The following SDHC variants were observed in gnomAD, a reference collection of about 807,000 sequenced individuals.
SDHC encodes the protein succinate dehydrogenase complex subunit C.
A neutral mutation model predicts 22.6 loss-of-function variants in SDHC; 11 were observed. The observed-to-expected ratio is 0.49, with a 90% CI of 0.31 to 0.81. The LOEUF (loss-of-function observed/expected upper bound fraction) is 0.81, where lower values mean the gene tolerates loss of function less well. Ranked by LOEUF, SDHC falls within the 30% of genes least tolerant of loss-of-function variation. SDHC has a pLI of 0.05. For synonymous variants in SDHC, 80 were observed against 77.8 expected (o/e 1.03, Z -0.15); for missense variants, 160 against 212.0 (o/e 0.75, Z 1.52).
In SDHC at chr1:161,352,821, A is replaced by C. The variant is rs12044212; in HGVS notation, c.242-3856A>C. Among the ~76,000 whole-genome samples, 4 of 152,102 alleles carry C rather than the reference A, an allele frequency of 2.6e-5. No homozygotes were observed. In the East Asian group the frequency reaches 5.8e-4, roughly 22 times the overall value. On this transcript the variant is annotated intron_variant, in intron 4 of 5. Coordinates refer to ENST00000367975, the MANE Select transcript of SDHC (RefSeq NM_003001.5). The stretch of plus-strand genomic sequence containing the variant: ...GAAACCTCGTCTCTACTAAAAATAC[A>C]AAAAAATTAGCCGGGCGTGGTGGCA...
chr1:161,321,076 C>T (rs1670820134), intron 1 of SDHC, among the ~76,000 whole-genome samples: 1 of 152,156 alleles, frequency 6.6e-6, no homozygotes, highest in African/African-American at 2.4e-5. Flanking sequence ...CTGCCCGCCT[C>T]GGCCTCCCAA....
chr1:161,328,257 C>T lies in SDHC; in HGVS notation c.78-139C>T, dbSNP rs564679907. The T allele has an allele frequency of 1.4e-5, 10 of 726,266 alleles. No individual in the cohort carries two copies. The African/African-American group carries it at 1.7e-4, about 13-fold the overall frequency. 45.0% of individuals were successfully genotyped at this position (726,266 alleles called of 1,614,324 possible). A position where few individuals can be genotyped will look rare whatever the true frequency, so the allele number is the denominator to read the frequency against. On this transcript the variant is annotated intron_variant, in intron 2 of 5. Coordinates refer to ENST00000367975, the MANE Select transcript of SDHC (RefSeq NM_003001.5). ...CCTCAGGTGATCCGCCCGCCTCGGCCTCCCAAAGAGCTGAGATTACAGGCC... is the reference window on the plus strand; with the variant it reads ...CCTCAGGTGATCCGCCCGCCTCGGCTTCCCAAAGAGCTGAGATTACAGGCC...
chr1:161,339,139 T>C (rs58842513), intron 3 of SDHC, among the ~76,000 whole-genome samples: 17,827 of 152,128 alleles, frequency 0.12, 1,421 homozygotes, highest in African/African-American at 0.22. Flanking sequence ...TGAGCCACCG[T>C]GCCCGGCCTA....
At chr1:161,343,921 AATT>A (rs1235333520) in intron 4 of SDHC, among the ~76,000 whole-genome samples, 1 of 152,088 alleles carries the variant, frequency 6.6e-6, no homozygotes, top group East Asian at 1.9e-4. Flanking sequence ...ACAACTGAAG[AATT>A]ATTTGGGCAG....
At chr1:161,339,399 T>C (rs1468246995) in intron 3 of SDHC, among the ~76,000 whole-genome samples, 1 of 151,218 alleles carries the variant, frequency 6.6e-6, no homozygotes, top group Admixed American at 6.6e-5. Context: ...TTGCCTAGGT[T>C]GACCTTGAAC....
chr1:161,326,205 T>TA (rs113137363), intron 2 of SDHC, among the ~76,000 whole-genome samples: 113 of 137,924 alleles, frequency 8.2e-4, no homozygotes, highest in Admixed American at 9.4e-4. Context: ...CATCTCAAAT[T>TA]AAAAAAAAAA....
At chr1:161,346,068 G>T (rs923829775) in intron 4 of SDHC, among the ~76,000 whole-genome samples, 10 of 152,166 alleles carry the variant, frequency 6.6e-5, no homozygotes, top group Non-Finnish European at 1.3e-4. Context: ...GCCTCCCAAA[G>T]TGTTGGGATT....
At position 161,362,877 on chromosome 1, in the gene SDHC, A is replaced by G. The variant is rs1029091235; in HGVS notation, c.*444A>G. 21 of 443,522 alleles carry G rather than the reference A, an allele frequency of 4.7e-5. No individual in the cohort carries two copies. The highest frequency in any genetic ancestry group is 2.9e-4 in the South Asian group (13 of 45,340). 27.5% of individuals were successfully genotyped at this position (443,522 alleles called of 1,614,324 possible). A position where few individuals can be genotyped will look rare whatever the true frequency, so the allele number is the denominator to read the frequency against. ...CTGTGGGTTGCTGGCTTAAAGGACA[A>G]TTCTCTTCATTGGTGAGAGCCCAGG... On this transcript the variant is annotated 3_prime_UTR_variant, in exon 6 of 6. Coordinates refer to ENST00000367975, the MANE Select transcript of SDHC (RefSeq NM_003001.5).
intron 5 of SDHC, among the ~76,000 whole-genome samples, chr1:161,361,531 C>G (rs75205227): frequency 6.6e-6 from 1 of 152,006 alleles, no homozygotes; most frequent in African/African-American, 2.4e-5. Flanking sequence ...TTTGGAGATT[C>G]ACAGTGTGCA....
chr1:161,342,612 G>A (rs1011906261), intron 4 of SDHC, among the ~76,000 whole-genome samples: 4 of 151,884 alleles, frequency 2.6e-5, no homozygotes, highest in African/African-American at 7.3e-5. Context: ...AGCCTCCTGG[G>A]TTCAAGCTAT....
chr1:161,314,695 C>A (rs1670539496), intron 1 of SDHC: 2 of 548,178 alleles, frequency 3.6e-6, no homozygotes, highest in Admixed American at 6.2e-5. Context: ...TCTAGTACTT[C>A]TAACGCAAAT....
At chr1:161,340,174 A>G (rs2102334959) in intron 3 of SDHC, among the ~76,000 whole-genome samples, 1 of 152,186 alleles carries the variant, frequency 6.6e-6, no homozygotes, top group African/African-American at 2.4e-5. Flanking sequence ...CTGTAATCCC[A>G]GCTACTCAGG....
rs1042100544 is a variant in SDHC, at chr1:161,362,237, C to T, written c.406-92C>T. ...CTAGAATCATGCTGAGAGGAGATAT[C>T]TATTCCTTTAGGTAGAATTACTTTC... On this transcript the variant is annotated intron_variant, in intron 5 of 5. Transcript: ENST00000367975. The T allele has an allele frequency of 4.2e-6, 6 of 1,426,158 alleles. No individual in the cohort carries two copies. In the African/African-American group the frequency reaches 8.5e-5, roughly 20 times the overall value. 88.3% of individuals were successfully genotyped at this position (1,426,158 alleles called of 1,614,324 possible). A position where few individuals can be genotyped will look rare whatever the true frequency, so the allele number is the denominator to read the frequency against.
intron 1 of SDHC, among the ~76,000 whole-genome samples, chr1:161,323,101 C>T (rs1433322751): frequency 6.6e-6 from 1 of 152,060 alleles, no homozygotes; most frequent in Admixed American, 6.5e-5. Context: ...CAGGTTCACG[C>T]CATTCTCTCG....
rs376292127 is a variant in SDHC, at chr1:161,356,729, T to C, written c.294T>C (p.Ser98=). Residue 98 remains serine, a synonymous_variant, in exon 5 of 6, where the codon TCT becomes TCC. Coordinates refer to ENST00000367975, the MANE Select transcript of SDHC (RefSeq NM_003001.5). ...TGTTACTCCCTGGGAACTTTGAGTC[T>C]TATTTGGAACTTGTGAAGTCCCTGT... ...SALLLPGNFE[S]YLELVKSLCL... The C allele has an allele frequency of 6.2e-7, 1 of 1,614,024 alleles. No homozygotes were observed. Among genetic ancestry groups the C allele is most frequent in the Non-Finnish European group, 8.5e-7 (1 of 1,179,968 alleles).
chr1:161,340,660 G>T lies in SDHC; in HGVS notation c.241+5G>T, dbSNP rs1167538377. On this transcript the variant is annotated splice_donor_5th_base_variant and intron_variant, in intron 4 of 5. Transcript: ENST00000367975. ...CTGGTATTGCTTTGAGTGCAGGTATGTATATGTGTTTTTACACACACATAT... is the reference window on the plus strand; with the variant it reads ...CTGGTATTGCTTTGAGTGCAGGTATTTATATGTGTTTTTACACACACATAT... 3.1e-6 allele frequency: 5 copies of T among 1,612,930 alleles called. No homozygotes were observed. In the South Asian group the frequency reaches 5.5e-5, roughly 18 times the overall value.
chr1:161,360,822 A>G (rs1672482092), intron 5 of SDHC, among the ~76,000 whole-genome samples: 3 of 151,782 alleles, frequency 2.0e-5, no homozygotes. Flanking sequence ...AATAGAAAAT[A>G]TAGGCTGGGG....
chr1:161,339,521 C>A (rs187090765), intron 3 of SDHC: 3 of 1,174,874 alleles, frequency 2.6e-6, no homozygotes, highest in Non-Finnish European at 1.1e-6. Context: ...TTTCTCCTTG[C>A]GAAAGGAGTT....
chr1:161,314,405 G>C lies in SDHC; in HGVS notation c.-1G>C. The C allele has an allele frequency of 1.2e-6, 2 of 1,613,976 alleles. No homozygotes were observed. The highest frequency in any genetic ancestry group is 1.7e-6 in the Non-Finnish European group (2 of 1,180,028). On this transcript the variant is annotated 5_prime_UTR_variant, in exon 1 of 6. Transcript: ENST00000367975. ...CACTTCCGTCCAGACCGGAACCCAAGATGGCTGCGCTGTTGCTGAGGTGAC... is the reference window on the plus strand; with the variant it reads ...CACTTCCGTCCAGACCGGAACCCAACATGGCTGCGCTGTTGCTGAGGTGAC...
Sources: gnomAD v4.1 joint callset for allele counts (sites outside exome capture counted in the v4.1 genomes callset) on GRCh38, gnomAD v4.1.1 for gene constraint, MANE v1.5 for transcripts, NCBI Gene and HGNC (gene_info 2026-07-23, HGNC 2026-07-21) for gene names.